The following PLCXD3 variants were observed in gnomAD, a reference collection of about 807,000 sequenced individuals.
PLCXD3 encodes PI-PLC X domain-containing protein 3.
A neutral mutation model predicts 25.5 loss-of-function variants in PLCXD3; 19 were observed. The ratio of observed to expected loss-of-function variants is 0.75; its 90% CI spans 0.52 to 1.09. The LOEUF (loss-of-function observed/expected upper bound fraction) is 1.09. Ranked by LOEUF, PLCXD3 falls within the 50% of genes least tolerant of loss-of-function variation. The pLI, the probability that PLCXD3 is intolerant of heterozygous loss-of-function variation, is 0.00. For synonymous variants in PLCXD3, 174 were observed against 137.6 expected, an observed-to-expected ratio of 1.26 and a Z score of -1.85; for missense variants, 411 against 388.1, an observed-to-expected ratio of 1.06 and a Z score of -0.50.
At chr5:41,419,725 G>A (rs1270660939) in intron 1 of PLCXD3, among the ~76,000 whole-genome samples, 2 of 152,100 alleles carry the variant, frequency 1.3e-5, no homozygotes, top group African/African-American at 4.8e-5. Flanking sequence ...TTAGTTATGT[G>A]ACAACAGATT....
chr5:41,339,697 A>G (rs544952919), intron 2 of PLCXD3, among the ~76,000 whole-genome samples: 2 of 152,282 alleles, frequency 1.3e-5, no homozygotes, highest in East Asian at 3.9e-4. Context: ...AGCATTATTA[A>G]CAACTTGGTA....
intron 1 of PLCXD3, among the ~76,000 whole-genome samples, chr5:41,490,811 T>A (rs1248325691): frequency 6.6e-6 from 1 of 152,242 alleles, no homozygotes; most frequent in Non-Finnish European, 1.5e-5. Context: ...TGCATCTATT[T>A]GATTCTTCTC....
intron 2 of PLCXD3, among the ~76,000 whole-genome samples, chr5:41,376,307 C>T (rs1477771542): frequency 6.6e-6 from 1 of 152,106 alleles, no homozygotes; most frequent in African/African-American, 2.4e-5. Flanking sequence ...TTTCTAAACA[C>T]TTGCTGGCAT....
chr5:41,508,319 T>G (rs611647), intron 1 of PLCXD3, among the ~76,000 whole-genome samples: 133,562 of 152,254 alleles, frequency 0.88, 59,044 homozygotes, highest in Non-Finnish European at 0.91. Flanking sequence ...TTAGTTCCTT[T>G]TTTCTTAACC....
At chr5:41,457,542 C>T (rs1175612446) in intron 1 of PLCXD3, among the ~76,000 whole-genome samples, 2 of 151,918 alleles carry the variant, frequency 1.3e-5, no homozygotes, top group Non-Finnish European at 2.9e-5. Flanking sequence ...TGCTGAGGGA[C>T]ATGTACCTGT....
chr5:41,356,062 C>A (rs562125042), intron 2 of PLCXD3, among the ~76,000 whole-genome samples: 26 of 150,186 alleles, frequency 1.7e-4, no homozygotes, highest in Non-Finnish European at 2.8e-4. Context: ...GTCAGGAGTT[C>A]GAGACCAGCC....
At chr5:41,336,031 T>C (rs189020398) in intron 2 of PLCXD3, among the ~76,000 whole-genome samples, 118 of 152,254 alleles carry the variant, frequency 7.8e-4, no homozygotes, top group Admixed American at 1.4e-3. Flanking sequence ...TTATCGACTT[T>C]TAATGGACTC....
At chr5:41,352,014 G>C (rs1315936701) in intron 2 of PLCXD3, among the ~76,000 whole-genome samples, 4 of 152,142 alleles carry the variant, frequency 2.6e-5, no homozygotes, top group Non-Finnish European at 5.9e-5. Flanking sequence ...TCAAAACTAT[G>C]TCATTTTTAC....
intron 2 of PLCXD3, among the ~76,000 whole-genome samples, chr5:41,335,526 T>C (rs1369300864): frequency 4.6e-5 from 7 of 152,192 alleles, no homozygotes; most frequent in African/African-American, 1.7e-4. Context: ...TTCTAGCGTA[T>C]TCTGTGTGTC....
At chr5:41,505,807 T>A (rs1464789881) in intron 1 of PLCXD3, among the ~76,000 whole-genome samples, 1 of 152,176 alleles carries the variant, frequency 6.6e-6, no homozygotes, top group Non-Finnish European at 1.5e-5. Flanking sequence ...TGATGACCTG[T>A]AATGTCAGTT....
intron 2 of PLCXD3, among the ~76,000 whole-genome samples, chr5:41,343,198 T>C (rs1009946602): frequency 2.0e-5 from 3 of 152,162 alleles, no homozygotes; most frequent in Admixed American, 1.3e-4. Flanking sequence ...TTTGGGCTTC[T>C]AAGTAAATGA....
intron 1 of PLCXD3, among the ~76,000 whole-genome samples, chr5:41,387,221 C>T (rs1212865388): frequency 6.6e-6 from 1 of 152,028 alleles, no homozygotes; most frequent in Non-Finnish European, 1.5e-5. Flanking sequence ...CTCAAGAAAC[C>T]ACGTTCTGTG....
chr5:41,381,355 G>A (rs969908625), intron 2 of PLCXD3, among the ~76,000 whole-genome samples: 6 of 152,164 alleles, frequency 3.9e-5, no homozygotes, highest in African/African-American at 1.4e-4. Flanking sequence ...CTACATGTGA[G>A]TGTGACATTA....
At chr5:41,320,105 G>A (rs1159517743) in intron 2 of PLCXD3, among the ~76,000 whole-genome samples, 1 of 151,970 alleles carries the variant, frequency 6.6e-6, no homozygotes, top group African/African-American at 2.4e-5. Flanking sequence ...TGAGATCAAA[G>A]CCATAATAAA....
chr5:41,415,752 A>G (rs1746677816), intron 1 of PLCXD3, among the ~76,000 whole-genome samples: 1 of 152,126 alleles, frequency 6.6e-6, no homozygotes, highest in Non-Finnish European at 1.5e-5. Context: ...TCTGCTTGAA[A>G]CTTCTTATAC....
intron 1 of PLCXD3, among the ~76,000 whole-genome samples, chr5:41,467,089 AT>A (rs1748032689): frequency 6.6e-6 from 1 of 152,140 alleles, no homozygotes; most frequent in African/African-American, 2.4e-5. Flanking sequence ...AGACTACTGG[AT>A]TGTATGATAA....
intron 1 of PLCXD3, among the ~76,000 whole-genome samples, chr5:41,427,920 C>A (rs1203619723): frequency 6.6e-6 from 1 of 152,180 alleles, no homozygotes; most frequent in Non-Finnish European, 1.5e-5. Flanking sequence ...AAAATCAGAA[C>A]AGAAACAAAC....
intron 1 of PLCXD3, among the ~76,000 whole-genome samples, chr5:41,423,683 C>T (rs778621098): frequency 1.2e-4 from 18 of 152,220 alleles, no homozygotes; most frequent in South Asian, 2.1e-4. Flanking sequence ...TGGTGGATCA[C>T]GCCTGTAATC....
intron 1 of PLCXD3, among the ~76,000 whole-genome samples, chr5:41,446,873 T>C (rs1747516441): frequency 6.6e-6 from 1 of 152,280 alleles, no homozygotes; most frequent in African/African-American, 2.4e-5. Context: ...ACAAGCTTTT[T>C]AATTTAGATA....
Sources: gnomAD v4.1 joint callset for allele counts (sites outside exome capture counted in the v4.1 genomes callset) on GRCh38, gnomAD v4.1.1 for gene constraint, MANE v1.5 for transcripts, NCBI Gene and HGNC (gene_info 2026-07-23, HGNC 2026-07-21) for gene names.